The following CD38 variants were observed in gnomAD, a reference collection of about 807,000 sequenced individuals.
The protein encoded by CD38 is CD38 molecule, also known as ADP-ribosyl cyclase/cyclic ADP-ribose hydrolase 1.
In CD38, 31 loss-of-function variants were observed where a neutral mutation model predicts 36.3. The ratio of observed to expected loss-of-function variants is 0.85; its 90% CI spans 0.64 to 1.15. CD38 has a LOEUF of 1.15. Among genes scored for constraint, CD38 ranks in the 50% most tolerant of loss-of-function variants. The probability of loss-of-function intolerance (pLI) is 0.00; values close to 1 mark genes in which losing one functional copy is unlikely to be tolerated. For missense variants in CD38, 380 were observed against 371.9 expected (o/e 1.02, Z -0.18); for synonymous variants, 131 against 135.2 (o/e 0.97, Z 0.22).
intron 4 of CD38, 23 bp downstream of exon 4, chr4:15,834,325 C>G (rs765332308): frequency 1.3e-6 from 2 of 1,489,822 alleles, no homozygotes; most frequent in East Asian, 2.3e-5. Flanking sequence ...TAGTGAAATT[C>G]TAGAGCTTTG....
chr4:15,796,081 T>G (rs10016073), intron 1 of CD38, among the ~76,000 whole-genome samples: 66,913 of 151,844 alleles, frequency 0.44, 17,116 homozygotes, highest in African/African-American at 0.72. Context: ...ATCTCTAACG[T>G]TGTCTAAGTT....
intron 1 of CD38, among the ~76,000 whole-genome samples, chr4:15,815,879 A>G (rs1182001528): frequency 6.6e-6 from 1 of 152,176 alleles, no homozygotes; most frequent in Non-Finnish European, 1.5e-5. Flanking sequence ...TTGCCCATTT[A>G]GTATGATATG....
At chr4:15,828,511 A>G (rs192598819) in intron 3 of CD38, among the ~76,000 whole-genome samples, 345 of 152,224 alleles carry the variant, frequency 2.3e-3, no homozygotes, top group African/African-American at 7.9e-3. Flanking sequence ...TGTATCCACC[A>G]TTCTATTATC....
Position 15,791,663 on chromosome 4 carries a change from C to A in CD38, c.233+13016C>A, listed in dbSNP as rs1459352871. Among the ~76,000 whole-genome samples the A allele has an allele frequency of 5.4e-5, 5 of 93,200 alleles. No homozygotes were observed. In the East Asian group the frequency reaches 1.4e-3, roughly 25 times the overall value. 61.1% of individuals were successfully genotyped at this position (93,200 alleles called of 152,430 possible). ...CCCCTGCCCGGCCAGCCGCCCCGTCCGGGAGGGAGGTGGGGGGATCAGCCC... is the reference window on the plus strand; with the variant it reads ...CCCCTGCCCGGCCAGCCGCCCCGTCAGGGAGGGAGGTGGGGGGATCAGCCC... On this transcript the variant is annotated intron_variant, in intron 1 of 7. Transcript: ENST00000226279.
At chr4:15,799,014 A>G (rs1440085415) in intron 1 of CD38, among the ~76,000 whole-genome samples, 2 of 152,212 alleles carry the variant, frequency 1.3e-5, no homozygotes, top group African/African-American at 2.4e-5. Context: ...CTTATTTACT[A>G]AAGATTTAAA....
In CD38 at chr4:15,848,733, G is replaced by A. The variant is rs140319131; in HGVS notation, c.*131G>A. On this transcript the variant is annotated 3_prime_UTR_variant, in exon 8 of 8. Coordinates refer to ENST00000226279, the MANE Select transcript of CD38 (RefSeq NM_001775.4). ...CCACAATAAGGTCAATGCCAGAGAC[G>A]GAAGCCTTTTTCCCCAAAGTCTTAA... 2.8e-5 allele frequency: 17 copies of A among 612,408 alleles called. No individual in the cohort carries two copies. Among genetic ancestry groups the A allele is most frequent in the Middle Eastern group, 2.7e-4 (1 of 3,684 alleles). 37.9% of individuals were successfully genotyped at this position (612,408 alleles called of 1,614,324 possible). A position where few individuals can be genotyped will look rare whatever the true frequency, so the allele number is the denominator to read the frequency against.
chr4:15,849,864 G>T lies in CD38; in HGVS notation c.*1262G>T, dbSNP rs552905872. ...TTTTTGTATACATAGATTTTAGGAC[G>T]ATATATTTTCCCTTGAGTTCTGCTT... is the stretch of plus-strand genomic sequence containing the variant. On this transcript the variant is annotated 3_prime_UTR_variant, in exon 8 of 8. Coordinates refer to ENST00000226279, the MANE Select transcript of CD38 (RefSeq NM_001775.4). The T allele has an allele frequency of 1.3e-5, 2 of 152,192 alleles. No individual in the cohort carries two copies. Among genetic ancestry groups the T allele is most frequent in the African/African-American group, 4.8e-5 (2 of 41,548 alleles). The allele number at this position is 152,192 out of a possible 1,614,324, so 9.4% of individuals were successfully genotyped here. A position where few individuals can be genotyped will look rare whatever the true frequency, so the allele number is the denominator to read the frequency against.
intron 1 of CD38, among the ~76,000 whole-genome samples, chr4:15,813,102 G>A (rs1472224130): frequency 6.6e-6 from 1 of 152,160 alleles, no homozygotes; most frequent in African/African-American, 2.4e-5. Flanking sequence ...TAATCTGGAT[G>A]AGTTTAGTTT....
intron 7 of CD38, among the ~76,000 whole-genome samples, chr4:15,842,259 C>A (rs962891331): frequency 1.5e-5 from 2 of 132,898 alleles, no homozygotes; most frequent in African/African-American, 6.3e-5. Flanking sequence ...ACCCCTGACC[C>A]CCGAGCAGCC....
At chr4:15,782,915 T>C (rs912207416) in intron 1 of CD38, among the ~76,000 whole-genome samples, 1 of 152,174 alleles carries the variant, frequency 6.6e-6, no homozygotes, top group Non-Finnish European at 1.5e-5. Context: ...CACAGTATAG[T>C]AGTAAGGGTC....
intron 3 of CD38, among the ~76,000 whole-genome samples, chr4:15,831,982 C>CT (rs1326976866): frequency 2.0e-5 from 3 of 151,920 alleles, no homozygotes; most frequent in African/African-American, 7.3e-5. Flanking sequence ...GTTTTTTATT[C>CT]TTTTTTCTTT....
chr4:15,819,741 G>A lies in CD38; in HGVS notation c.363+3101G>A, dbSNP rs1424671272. Among the ~76,000 whole-genome samples the A allele has an allele frequency of 2.6e-5, 4 of 152,200 alleles. No homozygotes were observed. In the East Asian group the frequency reaches 7.7e-4, roughly 29 times the overall value. ...ACAAACAAAACCTCTGAGAACTATG[G>A]GATTACATAAAAAGAACCTATGACT... On this transcript the variant is annotated intron_variant, in intron 2 of 7. Coordinates refer to ENST00000226279, the MANE Select transcript of CD38 (RefSeq NM_001775.4).
chr4:15,822,459 A>C (rs572690453), intron 2 of CD38, among the ~76,000 whole-genome samples: 1 of 152,340 alleles, frequency 6.6e-6, no homozygotes, highest in South Asian at 2.1e-4. Flanking sequence ...TCTCAGCCCC[A>C]AAGCTTCTTA....
chr4:15,781,634 C>G (rs1022631724), intron 1 of CD38, among the ~76,000 whole-genome samples: 1 of 152,102 alleles, frequency 6.6e-6, no homozygotes, highest in Non-Finnish European at 1.5e-5. Flanking sequence ...TTGGATGAGG[C>G]CCACCACATT....
intron 7 of CD38, 37 bp from the exon 8 acceptor site, chr4:15,848,502 C>T (rs76770671): frequency 2.9e-4 from 436 of 1,528,942 alleles, no homozygotes; most frequent in East Asian, 5.8e-4. Flanking sequence ...ATGTATCCTA[C>T]GGTCTCTTGA....
Position 15,852,868 on chromosome 4 carries a change from G to A in CD38, c.*4266G>A. ...GCTGTCGCCCAGGCTAGAGTGCAGT[G>A]GCGCGATCTCGGCTCACTGCAGGCT... On this transcript the variant is annotated 3_prime_UTR_variant, in exon 8 of 8. Coordinates refer to ENST00000226279, the MANE Select transcript of CD38 (RefSeq NM_001775.4). 6.7e-6 allele frequency: 1 copy of A among 148,654 alleles called. No homozygotes were observed. Among genetic ancestry groups the A allele is most frequent in the East Asian group, 2.0e-4 (1 of 5,066 alleles). The allele number at this position is 148,654 out of a possible 1,614,324, so 9.2% of individuals were successfully genotyped here. A position where few individuals can be genotyped will look rare whatever the true frequency, so the allele number is the denominator to read the frequency against.
chr4:15,840,398 C>A, intron 6 of CD38, 54 bp from the exon 7 acceptor site: 1 of 1,225,450 alleles, frequency 8.2e-7, no homozygotes, highest in South Asian at 1.3e-5. Context: ...CAAAGAGACT[C>A]CAAAAATGTT....
rs532514825 is a variant in CD38, at chr4:15,824,149, G to A, written c.364-732G>A. Among the ~76,000 whole-genome samples, 3 of 152,166 alleles carry A rather than the reference G, an allele frequency of 2.0e-5. No homozygotes were observed. The East Asian group carries it at 5.8e-4, about 29-fold the overall frequency. On this transcript the variant is annotated intron_variant, in intron 2 of 7. Coordinates refer to ENST00000226279, the MANE Select transcript of CD38 (RefSeq NM_001775.4). ...AAAACACACACTGTAGCTTGTTGGGGTTGGGGTGAGGGGAGTGAGAACATT... is the reference window on the plus strand; with the variant it reads ...AAAACACACACTGTAGCTTGTTGGGATTGGGGTGAGGGGAGTGAGAACATT...
intron 1 of CD38, among the ~76,000 whole-genome samples, chr4:15,814,819 T>G (rs7664121): frequency 0.045 from 6,673 of 149,048 alleles, 180 homozygotes; most frequent in African/African-American, 0.075. Flanking sequence ...TTTGTTTTTT[T>G]TTTTTGAGAT....
Sources: gnomAD v4.1 joint callset for allele counts (sites outside exome capture counted in the v4.1 genomes callset) on GRCh38, gnomAD v4.1.1 for gene constraint, MANE v1.5 for transcripts, NCBI Gene and HGNC (gene_info 2026-07-23, HGNC 2026-07-21) for gene names.